Variants in ST18 observed in about 807,000 individuals in gnomAD.
ST18 encodes the protein ST18 C2H2C-type zinc finger transcription factor.
Under a neutral mutation model 110.0 loss-of-function variants are expected in ST18, and 50 were observed. The observed-to-expected ratio is 0.45, with a 90% CI of 0.36 to 0.58. The LOEUF (loss-of-function observed/expected upper bound fraction) is 0.58, where lower values mean the gene tolerates loss of function less well. Ranked by LOEUF, ST18 falls within the 20% of genes least tolerant of loss-of-function variation. The pLI is 0.00. For synonymous variants in ST18, 461 were observed against 452.4 expected (o/e 1.02, Z -0.24); for missense variants, 1,306 against 1,280.1 (o/e 1.02, Z -0.31).
intron 15 of ST18, among the ~76,000 whole-genome samples, chr8:52,157,489 A>T (rs1016646290): frequency 6.6e-6 from 1 of 152,186 alleles, no homozygotes; most frequent in Non-Finnish European, 1.5e-5. Context: ...TAGAATAGAT[A>T]CCTTTTAAAA....
chr8:52,311,316 C>T (rs762205523), intron 2 of ST18, among the ~76,000 whole-genome samples: 86 of 152,286 alleles, frequency 5.6e-4, no homozygotes, highest in Non-Finnish European at 1.0e-3. Flanking sequence ...AAAGCCTTTA[C>T]GGCTTTAATG....
At chr8:52,387,020 C>G (rs1045042459) in intron 2 of ST18, among the ~76,000 whole-genome samples, 1 of 152,174 alleles carries the variant, frequency 6.6e-6, no homozygotes, top group African/African-American at 2.4e-5. Flanking sequence ...AGAAAAAAGC[C>G]TGTCACTGTC....
chr8:52,389,125 G>A (rs913277824), intron 2 of ST18, among the ~76,000 whole-genome samples: 2 of 152,300 alleles, frequency 1.3e-5, no homozygotes, highest in East Asian at 3.9e-4. Flanking sequence ...TGGCGCTTCA[G>A]GCGCTGCCCG....
intron 2 of ST18, among the ~76,000 whole-genome samples, chr8:52,300,092 T>C (rs1219865755): frequency 6.6e-6 from 1 of 152,252 alleles, no homozygotes; most frequent in African/African-American, 2.4e-5. Context: ...GTTGATTCCT[T>C]CTGCTTATTT....
chr8:52,326,432 A>G (rs1056648737), intron 2 of ST18, among the ~76,000 whole-genome samples: 3 of 152,206 alleles, frequency 2.0e-5, no homozygotes, highest in Non-Finnish European at 4.4e-5. Flanking sequence ...GAAGGTTTAC[A>G]TGATTGGGGA....
At chr8:52,365,143 G>A (rs78908600) in intron 2 of ST18, among the ~76,000 whole-genome samples, 400 of 151,920 alleles carry the variant, frequency 2.6e-3, no homozygotes, top group South Asian at 4.6e-3. Flanking sequence ...AGTTCCTTCA[G>A]ACATGTTTTT....
At chr8:52,360,386 T>G (rs939716414) in intron 2 of ST18, among the ~76,000 whole-genome samples, 1 of 152,146 alleles carries the variant, frequency 6.6e-6, no homozygotes. Context: ...AAATATACTG[T>G]GAGGTACGCT....
At chr8:52,388,603 G>C (rs551969204) in intron 2 of ST18, among the ~76,000 whole-genome samples, 1 of 152,092 alleles carries the variant, frequency 6.6e-6, no homozygotes, top group African/African-American at 2.4e-5. Context: ...GAGTGATTTC[G>C]CACGGCGCAC....
intron 19 of ST18, among the ~76,000 whole-genome samples, chr8:52,134,717 C>T (rs768377814): frequency 9.9e-5 from 15 of 152,126 alleles, no homozygotes; most frequent in Non-Finnish European, 1.9e-4. Context: ...TAATATGTAT[C>T]TTCCATTATA....
intron 2 of ST18, among the ~76,000 whole-genome samples, chr8:52,384,317 A>G (rs983048778): frequency 6.6e-6 from 1 of 152,122 alleles, no homozygotes; most frequent in Admixed American, 6.5e-5. Context: ...TCCTATTTTA[A>G]TAGATAATTT....
At chr8:52,237,795 C>T (rs2092884093) in intron 2 of ST18, among the ~76,000 whole-genome samples, 1 of 152,128 alleles carries the variant, frequency 6.6e-6, no homozygotes, top group African/African-American at 2.4e-5. Flanking sequence ...AGAAAGGATG[C>T]AAAACCATAT....
chr8:52,125,388 T>TACAC (rs370049822), intron 23 of ST18, among the ~76,000 whole-genome samples: 12 of 130,414 alleles, frequency 9.2e-5, no homozygotes, highest in Non-Finnish European at 1.7e-4. Flanking sequence ...AACGCGCACG[T>TACAC]ACACACACAC....
At chr8:52,288,088 C>T (rs1014690069) in intron 2 of ST18, among the ~76,000 whole-genome samples, 2 of 152,140 alleles carry the variant, frequency 1.3e-5, no homozygotes, top group Admixed American at 6.5e-5. Context: ...TAAACAGAAC[C>T]GAAGCTAAAT....
chr8:52,361,499 T>A (rs1013843398), intron 2 of ST18, among the ~76,000 whole-genome samples: 4 of 152,198 alleles, frequency 2.6e-5, no homozygotes, highest in African/African-American at 9.6e-5. Flanking sequence ...TCATTGCCAA[T>A]AAGCTGAAAA....
intron 8 of ST18, 114 bp downstream of exon 8, chr8:52,211,965 C>T (rs1214959082): frequency 1.4e-5 from 15 of 1,089,224 alleles, no homozygotes; most frequent in Non-Finnish European, 1.9e-5. Context: ...TGGAAAAAGC[C>T]CTTTAGCCAA....
chr8:52,348,050 G>A (rs769988039), intron 2 of ST18, among the ~76,000 whole-genome samples: 1 of 152,104 alleles, frequency 6.6e-6, no homozygotes, highest in Non-Finnish European at 1.5e-5. Flanking sequence ...AGCCAGATGT[G>A]GACTACACCC....
chr8:52,191,282 G>A (rs1227992606), intron 8 of ST18, among the ~76,000 whole-genome samples: 2 of 152,202 alleles, frequency 1.3e-5, no homozygotes, highest in Non-Finnish European at 2.9e-5. Flanking sequence ...CATGTCATGT[G>A]CAGCAAAGAA....
chr8:52,348,796 T>C (rs1818925939), intron 2 of ST18, among the ~76,000 whole-genome samples: 1 of 152,212 alleles, frequency 6.6e-6, no homozygotes, highest in African/African-American at 2.4e-5. Context: ...GTGAAGTATA[T>C]ATACATTGTG....
chr8:52,247,508 C>G (rs1015268450), intron 2 of ST18, among the ~76,000 whole-genome samples: 3 of 152,134 alleles, frequency 2.0e-5, no homozygotes, highest in African/African-American at 7.2e-5. Flanking sequence ...CTTTGCTGTA[C>G]CCGTAAGGAT....
Sources: gnomAD v4.1 joint callset for allele counts (sites outside exome capture counted in the v4.1 genomes callset) on GRCh38, gnomAD v4.1.1 for gene constraint, MANE v1.5 for transcripts, NCBI Gene and HGNC (gene_info 2026-07-23, HGNC 2026-07-21) for gene names.